The following DCC variants were observed in gnomAD, a reference collection of about 807,000 sequenced individuals.
DCC encodes the protein netrin receptor DCC.
In DCC, 58 loss-of-function variants were observed where a neutral mutation model predicts 172.5. The observed-to-expected ratio is 0.34, with a 90% CI of 0.27 to 0.42. DCC has a LOEUF of 0.42. DCC is among the 10% of genes least tolerant of loss of function. DCC has a pLI of 1.00. For synonymous variants in DCC, 709 were observed against 644.5 expected (o/e 1.10, Z -1.52); for missense variants, 1,740 against 1,791.0 (o/e 0.97, Z 0.51).
At chr18:53,351,396 AC>A (rs2057802913) in intron 15 of DCC, among the ~76,000 whole-genome samples, 1 of 16,736 alleles carries the variant, frequency 6.0e-5, no homozygotes, top group Non-Finnish European at 1.0e-4. Flanking sequence ...ATATATATAT[AC>A]AGTGTATATA....
chr18:53,040,502 G>A (rs941904592), intron 5 of DCC, among the ~76,000 whole-genome samples: 5 of 151,920 alleles, frequency 3.3e-5, no homozygotes, highest in African/African-American at 1.2e-4. Context: ...GTGAATCCAA[G>A]GATTCTGCAT....
At chr18:52,824,967 CATATAT>C in intron 2 of DCC, among the ~76,000 whole-genome samples, 2 of 148,368 alleles carry the variant, frequency 1.3e-5, no homozygotes, top group South Asian at 4.5e-4. Context: ...GAGACTCCCT[CATATAT>C]ATATATATAT....
chr18:52,797,511 T>C (rs2037898290), intron 2 of DCC, among the ~76,000 whole-genome samples: 1 of 152,202 alleles, frequency 6.6e-6, no homozygotes, highest in Non-Finnish European at 1.5e-5. Flanking sequence ...ACTTCAGTTA[T>C]ATTCAGTGTC....
intron 5 of DCC, among the ~76,000 whole-genome samples, chr18:53,012,387 T>G (rs2041743124): frequency 2.6e-5 from 4 of 151,930 alleles, no homozygotes; most frequent in African/African-American, 9.7e-5. Flanking sequence ...TATGAATAAA[T>G]CTTAAAAACA....
At chr18:53,041,676 C>T (rs900327900) in intron 5 of DCC, among the ~76,000 whole-genome samples, 1 of 151,952 alleles carries the variant, frequency 6.6e-6, no homozygotes, top group African/African-American at 2.4e-5. Context: ...TGTTTGTATC[C>T]TGTCTGATTT....
intron 1 of DCC, among the ~76,000 whole-genome samples, chr18:52,463,253 C>G (rs1988685932): frequency 6.6e-6 from 1 of 152,042 alleles, no homozygotes; most frequent in Non-Finnish European, 1.5e-5. Flanking sequence ...ACCATATTAT[C>G]TAGTAGCTTC....
intron 2 of DCC, among the ~76,000 whole-genome samples, chr18:52,869,885 G>A (rs1013394198): frequency 3.3e-5 from 5 of 152,158 alleles, no homozygotes; most frequent in Admixed American, 2.6e-4. Context: ...GGGTAAAGGC[G>A]GCCTTCTCAG....
chr18:52,907,607 G>A (rs1183970567), intron 3 of DCC, among the ~76,000 whole-genome samples: 1 of 151,990 alleles, frequency 6.6e-6, no homozygotes, highest in Non-Finnish European at 1.5e-5. Flanking sequence ...GTAAAGAAGA[G>A]GTTTCATCCT....
chr18:52,459,828 T>A (rs1265981471), intron 1 of DCC, among the ~76,000 whole-genome samples: 1 of 151,990 alleles, frequency 6.6e-6, no homozygotes, highest in Non-Finnish European at 1.5e-5. Context: ...TCTAGCTCCA[T>A]CCATGTTCCT....
intron 1 of DCC, among the ~76,000 whole-genome samples, chr18:52,514,633 T>C (rs1217535612): frequency 6.6e-6 from 1 of 152,244 alleles, no homozygotes; most frequent in Non-Finnish European, 1.5e-5. Flanking sequence ...TAGAAAAGTC[T>C]GTGCTGCTTA....
chr18:52,838,422 AGTAT>A (rs1298925748), intron 2 of DCC, among the ~76,000 whole-genome samples: 4 of 152,196 alleles, frequency 2.6e-5, no homozygotes, highest in East Asian at 1.9e-4. Context: ...TGCATGTATT[AGTAT>A]GAAAAAATTC....
chr18:53,067,678 A>G (rs1223456657), intron 7 of DCC, among the ~76,000 whole-genome samples: 1 of 152,210 alleles, frequency 6.6e-6, no homozygotes, highest in Non-Finnish European at 1.5e-5. Context: ...AAACAGGGAC[A>G]AGACAGTTGT....
At chr18:52,965,325 G>C (rs1466990681) in intron 5 of DCC, among the ~76,000 whole-genome samples, 3 of 152,092 alleles carry the variant, frequency 2.0e-5, no homozygotes, top group Admixed American at 2.0e-4. Context: ...AAACAGGCTA[G>C]AAAGGACATG....
At chr18:52,650,122 G>A (rs1362623955) in intron 1 of DCC, among the ~76,000 whole-genome samples, 4 of 151,888 alleles carry the variant, frequency 2.6e-5, no homozygotes, top group Non-Finnish European at 5.9e-5. Context: ...AGAATTACAG[G>A]AATGTACCAC....
At chr18:53,313,536 G>A (rs930407121) in intron 13 of DCC, among the ~76,000 whole-genome samples, 2 of 152,066 alleles carry the variant, frequency 1.3e-5, no homozygotes, top group East Asian at 3.9e-4. Flanking sequence ...TTGAGCCACC[G>A]CTCCCGGCCG....
rs373748402 is a variant in DCC, at chr18:52,876,632, G to T, written c.413-29412G>T. ...TCTGCATTGTAATGGCTAACAGAAG[G>T]AATGGTCTGGATCAGTGCTTCTCAA... On this transcript the variant is annotated intron_variant, in intron 2 of 28. Transcript: ENST00000442544. 1.7e-3 allele frequency among the ~76,000 whole-genome samples: 263 copies of T among 152,302 alleles called. 2 individuals are homozygous for T. In the Middle Eastern group the frequency reaches 0.02, roughly 12 times the overall value.
At chr18:52,622,537 GC>G (rs1469286840) in intron 1 of DCC, among the ~76,000 whole-genome samples, 1 of 152,166 alleles carries the variant, frequency 6.6e-6, no homozygotes, top group Non-Finnish European at 1.5e-5. Flanking sequence ...GTTGGCACCA[GC>G]CCAGGGGTTC....
chr18:52,760,450 A>G (rs1017841291), intron 2 of DCC, among the ~76,000 whole-genome samples: 2 of 152,194 alleles, frequency 1.3e-5, no homozygotes, highest in Non-Finnish European at 2.9e-5. Context: ...GCTATGGGGC[A>G]GGACTCCTGT....
At chr18:53,046,936 A>G (rs928419197) in intron 5 of DCC, among the ~76,000 whole-genome samples, 2 of 151,530 alleles carry the variant, frequency 1.3e-5, no homozygotes, top group African/African-American at 2.4e-5. Flanking sequence ...TTTTTAATGC[A>G]GTGGCTTTTC....
Sources: gnomAD v4.1 joint callset for allele counts (sites outside exome capture counted in the v4.1 genomes callset) on GRCh38, gnomAD v4.1.1 for gene constraint, MANE v1.5 for transcripts, NCBI Gene and HGNC (gene_info 2026-07-23, HGNC 2026-07-21) for gene names.